Variants in UBL3 observed in about 807,000 individuals in gnomAD.
UBL3 encodes ubiquitin-like protein 3.
UBL3 carries 6 observed loss-of-function variants against 18.4 expected under a neutral mutation model. The ratio of observed to expected loss-of-function variants is 0.33; its 90% CI spans 0.18 to 0.64. The LOEUF (loss-of-function observed/expected upper bound fraction) is 0.64. UBL3 is among the 30% of genes least tolerant of loss of function. UBL3 has a pLI of 0.76. For missense variants in UBL3, 109 were observed against 142.9 expected, an observed-to-expected ratio of 0.76 and a Z score of 1.21; for synonymous variants, 49 against 46.6, an observed-to-expected ratio of 1.05 and a Z score of -0.21.
intron 1 of UBL3, among the ~76,000 whole-genome samples, chr13:29,832,025 T>C (rs1171955700): frequency 1.3e-5 from 2 of 152,222 alleles, no homozygotes; most frequent in South Asian, 2.1e-4. Context: ...CGTGGCTACC[T>C]TACTAGACGA....
Position 29,794,749 on chromosome 13 carries a change from A to G in UBL3, c.28-17486T>C, listed in dbSNP as rs74044713. On this transcript the variant is annotated intron_variant, in intron 1 of 4. Transcript: ENST00000380680. The stretch of plus-strand genomic sequence containing the variant: ...TGTATCTTGCTCTAGTTAATCCTGT[A>G]TATTAATTTATCCATGCAAAATGTA... 2.3e-3 allele frequency among the ~76,000 whole-genome samples: 351 copies of G among 152,352 alleles called. 3 individuals are homozygous for G. Among genetic ancestry groups the G allele is most frequent in the African/African-American group, 8.3e-3 (346 of 41,576 alleles).
chr13:29,803,313 A>G (rs1352241714), intron 1 of UBL3, among the ~76,000 whole-genome samples: 1 of 152,126 alleles, frequency 6.6e-6, no homozygotes. Flanking sequence ...AGAAACACAC[A>G]GAAGTACATA....
intron 1 of UBL3, among the ~76,000 whole-genome samples, chr13:29,821,626 T>C (rs1878449958): frequency 6.6e-6 from 1 of 152,232 alleles, no homozygotes; most frequent in Admixed American, 6.5e-5. Flanking sequence ...TCTAACACTT[T>C]GTATGTGTAT....
chr13:29,838,507 G>A (rs901885559), intron 1 of UBL3, among the ~76,000 whole-genome samples: 2 of 152,098 alleles, frequency 1.3e-5, no homozygotes, highest in African/African-American at 4.8e-5. Context: ...ACAAAGCAAA[G>A]ACTGGAAGAG....
Position 29,782,839 on chromosome 13 carries a change from A to G in UBL3, c.28-5576T>C, listed in dbSNP as rs1370820292. Among the ~76,000 whole-genome samples the G allele has an allele frequency of 2.0e-5, 3 of 152,358 alleles. No individual in the cohort carries two copies. In the East Asian group the frequency reaches 5.8e-4, roughly 29 times the overall value. On this transcript the variant is annotated intron_variant, in intron 1 of 4. Transcript: ENST00000380680. Reference sequence around the variant, plus strand: ...GTCTTATAGCAAAACTGCTTCAGGAAAGAAGCTTATGTCCAAAATTGAAAA... The same window carrying G: ...GTCTTATAGCAAAACTGCTTCAGGAGAGAAGCTTATGTCCAAAATTGAAAA...
intron 1 of UBL3, among the ~76,000 whole-genome samples, chr13:29,802,249 G>C (rs1877790377): frequency 6.6e-6 from 1 of 152,152 alleles, no homozygotes; most frequent in Admixed American, 6.5e-5. Context: ...GACAAATAAA[G>C]ACCCTGCACA....
At chr13:29,835,046 T>C (rs1878881000) in intron 1 of UBL3, among the ~76,000 whole-genome samples, 1 of 140,330 alleles carries the variant, frequency 7.1e-6, no homozygotes, top group Admixed American at 7.6e-5. Context: ...AAAGGCACTA[T>C]ACTAAGTACT....
intron 1 of UBL3, among the ~76,000 whole-genome samples, chr13:29,796,291 A>C (rs1210263101): frequency 2.0e-5 from 3 of 152,164 alleles, no homozygotes; most frequent in Admixed American, 6.5e-5. Context: ...AAATTCAAAA[A>C]ATTAGTCCCA....
At chr13:29,824,468 A>G (rs1194878924) in intron 1 of UBL3, among the ~76,000 whole-genome samples, 3 of 152,186 alleles carry the variant, frequency 2.0e-5, no homozygotes, top group African/African-American at 7.2e-5. Flanking sequence ...AGTGATGATG[A>G]GCATTTCTTC....
chr13:29,766,370 T>G lies in UBL3; in HGVS notation c.*885A>C, dbSNP rs1289809155. On this transcript the variant is annotated 3_prime_UTR_variant, in exon 5 of 5. Coordinates refer to ENST00000380680, the MANE Select transcript of UBL3 (RefSeq NM_007106.4). Reference sequence around the variant, plus strand: ...GCATGACACTGGATGTGGTTACAAATTAATGATAATTATGGAAAATTTCAA... The same window carrying G: ...GCATGACACTGGATGTGGTTACAAAGTAATGATAATTATGGAAAATTTCAA... 1.3e-5 allele frequency: 2 copies of G among 152,552 alleles called. No individual in the cohort carries two copies. Among genetic ancestry groups the G allele is most frequent in the Non-Finnish European group, 2.9e-5 (2 of 68,014 alleles). The allele number at this position is 152,552 out of a possible 1,614,324, so 9.4% of individuals were successfully genotyped here. A position where few individuals can be genotyped will look rare whatever the true frequency, so the allele number is the denominator to read the frequency against.
At chr13:29,820,396 G>A (rs550666096) in intron 1 of UBL3, among the ~76,000 whole-genome samples, 21 of 152,074 alleles carry the variant, frequency 1.4e-4, no homozygotes, top group African/African-American at 5.1e-4. Flanking sequence ...GGCTGGTCTT[G>A]AACTCCTGAC....
At chr13:29,779,915 C>A (rs932553356) in intron 1 of UBL3, among the ~76,000 whole-genome samples, 1 of 152,122 alleles carries the variant, frequency 6.6e-6, no homozygotes, top group South Asian at 2.1e-4. Context: ...TGTACCACAG[C>A]GGCCTTATAA....
At chr13:29,778,454 T>C (rs1877060357) in intron 1 of UBL3, among the ~76,000 whole-genome samples, 1 of 152,204 alleles carries the variant, frequency 6.6e-6, no homozygotes, top group Non-Finnish European at 1.5e-5. Context: ...GTAAGTAAGA[T>C]CCTACTAAAA....
intron 1 of UBL3, among the ~76,000 whole-genome samples, chr13:29,818,258 GACTA>G (rs566958538): frequency 1.6e-3 from 242 of 152,264 alleles, no homozygotes; most frequent in Middle Eastern, 3.4e-3. Flanking sequence ...TCTAAATTTA[GACTA>G]ACTAAGTAAA....
chr13:29,812,264 G>C (rs539039269), intron 1 of UBL3, among the ~76,000 whole-genome samples: 1 of 152,064 alleles, frequency 6.6e-6, no homozygotes, highest in South Asian at 2.1e-4. Flanking sequence ...TTTCAGGCTG[G>C]GAATGTTGAA....
intron 1 of UBL3, among the ~76,000 whole-genome samples, chr13:29,835,178 A>C (rs1394892203): frequency 5.3e-4 from 42 of 78,720 alleles, no homozygotes; most frequent in African/African-American, 1.6e-3. Context: ...ATATATATAT[A>C]TATATATCTC....
chr13:29,781,828 TA>T (rs11357100), intron 1 of UBL3, among the ~76,000 whole-genome samples: 59,252 of 82,802 alleles, frequency 0.72, 19,947 homozygotes, highest in African/African-American at 0.74. Flanking sequence ...TACAAAAAAT[TA>T]AAAAAAAAAA....
intron 1 of UBL3, among the ~76,000 whole-genome samples, chr13:29,831,441 T>C (rs1212376945): frequency 2.6e-5 from 4 of 151,806 alleles, no homozygotes; most frequent in Admixed American, 6.6e-5. Flanking sequence ...AATACAAAAT[T>C]AGCCGGGGTG....
At chr13:29,839,771 C>CA (rs1419535636) in intron 1 of UBL3, among the ~76,000 whole-genome samples, 1 of 151,804 alleles carries the variant, frequency 6.6e-6, no homozygotes, top group Non-Finnish European at 1.5e-5. Flanking sequence ...ACTAAAAATA[C>CA]AAAAAATTAG....
Sources: gnomAD v4.1 joint callset for allele counts (sites outside exome capture counted in the v4.1 genomes callset) on GRCh38, gnomAD v4.1.1 for gene constraint, MANE v1.5 for transcripts, NCBI Gene and HGNC (gene_info 2026-07-23, HGNC 2026-07-21) for gene names.